Variants in SYCP1 observed in about 807,000 individuals in gnomAD.
SYCP1 encodes cancer/testis antigen 8.
A neutral mutation model predicts 153.1 loss-of-function variants in SYCP1; 64 were observed. The observed-to-expected ratio is 0.42, with a 90% confidence interval of 0.34 to 0.51. The LOEUF is 0.51. Among genes scored for constraint, SYCP1 ranks in the 20% least tolerant of loss-of-function variants. The probability of loss-of-function intolerance (pLI) is 0.06; values close to 1 mark genes in which losing one functional copy is unlikely to be tolerated. For synonymous variants in SYCP1, 384 were observed against 341.8 expected (o/e 1.12, Z -1.36); for missense variants, 997 against 1,049.0 (o/e 0.95, Z 0.68).
At position 114,984,706 on chromosome 1, in the gene SYCP1, G is replaced by T. The variant is rs747802742; in HGVS notation, c.2560-19G>T. ...ATTTTATTTGATATGATAATGTATG[G>T]TTTTTTATTTTTGGATAGGCATATA... On this transcript the variant is annotated intron_variant, in intron 29 of 31. Transcript: ENST00000369522. The T allele has an allele frequency of 2.2e-6, 3 of 1,347,384 alleles. No individual in the cohort carries two copies. Among genetic ancestry groups the T allele is most frequent in the Non-Finnish European group, 1.9e-6 (2 of 1,041,764 alleles). The allele number at this position is 1,347,384 out of a possible 1,614,324, so 83.5% of individuals were successfully genotyped here.
At chr1:114,967,977 C>A (rs1342829116) in intron 27 of SYCP1, among the ~76,000 whole-genome samples, 5 of 152,150 alleles carry the variant, frequency 3.3e-5, no homozygotes, top group Admixed American at 3.3e-4. Flanking sequence ...GTTGAAAATT[C>A]TTTTCTTTAA....
chr1:114,962,676 T>C (rs1671856864), intron 27 of SYCP1, among the ~76,000 whole-genome samples: 1 of 152,208 alleles, frequency 6.6e-6, no homozygotes, highest in Admixed American at 6.5e-5. Flanking sequence ...AACATTAGTA[T>C]TGAGATGTGA....
chr1:114,856,807 A>G (rs1225689087), intron 3 of SYCP1, 150 bp downstream of exon 3: 30 of 588,632 alleles, frequency 5.1e-5, no homozygotes, highest in Non-Finnish European at 7.9e-5. Flanking sequence ...AAGGCTGGAC[A>G]CGGTGGCTAA....
At chr1:114,877,876 T>C (rs954252732) in intron 11 of SYCP1, among the ~76,000 whole-genome samples, 1 of 152,202 alleles carries the variant, frequency 6.6e-6, no homozygotes, top group Non-Finnish European at 1.5e-5. Flanking sequence ...GTTTAGAGAT[T>C]GCCTTTTTCA....
intron 12 of SYCP1, among the ~76,000 whole-genome samples, chr1:114,885,290 T>A (rs1666217606): frequency 6.6e-6 from 1 of 152,158 alleles, no homozygotes; most frequent in Non-Finnish European, 1.5e-5. Flanking sequence ...TAGTTTCTAA[T>A]GTTTTGCTAT....
intron 20 of SYCP1, among the ~76,000 whole-genome samples, chr1:114,919,565 T>G (rs1338821742): frequency 1.3e-5 from 2 of 152,076 alleles, no homozygotes; most frequent in Admixed American, 6.6e-5. Flanking sequence ...TGGAATAGTT[T>G]CTGTAGGATT....
At chr1:114,938,278 T>C (rs1326073151) in intron 23 of SYCP1, among the ~76,000 whole-genome samples, 2 of 152,052 alleles carry the variant, frequency 1.3e-5, no homozygotes, top group Non-Finnish European at 2.9e-5. Context: ...ACCATCATTC[T>C]GAGCAAACTA....
At chr1:114,959,585 C>T (rs1671655580) in intron 27 of SYCP1, among the ~76,000 whole-genome samples, 1 of 152,092 alleles carries the variant, frequency 6.6e-6, no homozygotes, top group African/African-American at 2.4e-5. Context: ...TACAAACAAT[C>T]CAATTATACT....
chr1:114,858,957 T>C (rs1010794490), intron 6 of SYCP1, among the ~76,000 whole-genome samples: 3 of 152,238 alleles, frequency 2.0e-5, no homozygotes, highest in Non-Finnish European at 4.4e-5. Flanking sequence ...TATATAAAAA[T>C]TGATTTAATG....
At chr1:114,902,024 G>A (rs1667481247) in intron 16 of SYCP1, among the ~76,000 whole-genome samples, 1 of 152,114 alleles carries the variant, frequency 6.6e-6, no homozygotes, top group African/African-American at 2.4e-5. Context: ...GCTGGGGGAG[G>A]GGGAGACTCC....
chr1:114,918,262 T>TG (rs999602687), intron 20 of SYCP1, among the ~76,000 whole-genome samples: 58 of 152,222 alleles, frequency 3.8e-4, no homozygotes, highest in African/African-American at 1.3e-3. Flanking sequence ...TTCCCCAATG[T>TG]GTGATCTTGG....
At chr1:114,892,235 G>A (rs1666755805) in intron 15 of SYCP1, among the ~76,000 whole-genome samples, 2 of 152,148 alleles carry the variant, frequency 1.3e-5, no homozygotes, top group African/African-American at 2.4e-5. Flanking sequence ...GGCTCTGGTG[G>A]GCAGGGGTGG....
At chr1:114,956,150 G>A (rs1266282806) in intron 27 of SYCP1, among the ~76,000 whole-genome samples, 2 of 152,070 alleles carry the variant, frequency 1.3e-5, no homozygotes, top group African/African-American at 4.8e-5. Flanking sequence ...CTCTTTCCTT[G>A]TGCTGTCTCT....
intron 27 of SYCP1, among the ~76,000 whole-genome samples, chr1:114,965,479 A>G (rs1672057556): frequency 6.6e-6 from 1 of 152,146 alleles, no homozygotes; most frequent in South Asian, 2.1e-4. Flanking sequence ...ATTCAGTATG[A>G]TATTGGCTAT....
chr1:114,952,685 T>A (rs1015399177), intron 27 of SYCP1, among the ~76,000 whole-genome samples: 5 of 152,190 alleles, frequency 3.3e-5, no homozygotes, highest in African/African-American at 1.2e-4. Context: ...AACCTCATGA[T>A]TCAATTACTT....
intron 23 of SYCP1, among the ~76,000 whole-genome samples, chr1:114,937,456 A>C (rs1346652186): frequency 1.3e-5 from 2 of 152,358 alleles, no homozygotes; most frequent in East Asian, 3.9e-4. Flanking sequence ...AAGAAAACCT[A>C]GGCGATACCA....
chr1:114,944,108 G>C (rs1392316788), intron 23 of SYCP1, among the ~76,000 whole-genome samples: 1 of 151,470 alleles, frequency 6.6e-6, no homozygotes, highest in Non-Finnish European at 1.5e-5. Flanking sequence ...TAAATGCATG[G>C]GTGTTTATTT....
At chr1:114,936,362 C>A (rs182908782) in intron 23 of SYCP1, among the ~76,000 whole-genome samples, 1 of 152,238 alleles carries the variant, frequency 6.6e-6, no homozygotes, top group East Asian at 1.9e-4. Context: ...CCCCTTCATG[C>A]TAAAAACACT....
At chr1:114,906,611 A>C (rs1185927853) in intron 16 of SYCP1, among the ~76,000 whole-genome samples, 1 of 152,150 alleles carries the variant, frequency 6.6e-6, no homozygotes, top group African/African-American at 2.4e-5. Context: ...TTTTCCTTTG[A>C]TCCCATTTAG....
Sources: gnomAD v4.1 joint callset for allele counts (sites outside exome capture counted in the v4.1 genomes callset) on GRCh38, gnomAD v4.1.1 for gene constraint, MANE v1.5 for transcripts, NCBI Gene and HGNC (gene_info 2026-07-23, HGNC 2026-07-21) for gene names.